RSPH14: variants seen among roughly 807,000 people sequenced by gnomAD.
RSPH14 encodes the protein rhabdoid tumor deletion region gene 1.
RSPH14 carries 20 observed loss-of-function variants against 26.7 expected under a neutral mutation model. The ratio of observed to expected loss-of-function variants is 0.75; its 90% CI spans 0.53 to 1.09. The LOEUF (loss-of-function observed/expected upper bound fraction) is 1.09. Among genes scored for constraint, RSPH14 ranks in the 50% least tolerant of loss-of-function variants. RSPH14 has a pLI of 0.00. For missense variants in RSPH14, 449 were observed against 457.2 expected (o/e 0.98, Z 0.16); for synonymous variants, 177 against 189.3 (o/e 0.93, Z 0.53).
the RSPH14 span, chr22:23,158,093 G>A: frequency 6.2e-7 from 1 of 1,608,324 alleles, no homozygotes; most frequent in Non-Finnish European, 8.5e-7. Flanking sequence ...TCAGGAAGCT[G>A]CCTGGAAGGG....
At chr22:23,172,424 A>G in the RSPH14 span, among the ~76,000 whole-genome samples, 1 of 151,734 alleles carries the variant, frequency 6.6e-6, no homozygotes, top group African/African-American at 2.4e-5. Context: ...TCAAAAAAAA[A>G]AAAAAAAAAG....
intron 4 of RSPH14, among the ~76,000 whole-genome samples, chr22:23,122,178 T>C (rs1174291070): frequency 6.6e-6 from 1 of 152,218 alleles, no homozygotes; most frequent in Non-Finnish European, 1.5e-5. Context: ...AGTTAGAATT[T>C]ATTCATTTTG....
chr22:23,142,402 G>A (rs1443572283), upstream of RSPH14, among the ~76,000 whole-genome samples: 1 of 152,042 alleles, frequency 6.6e-6, no homozygotes, highest in Admixed American at 6.5e-5. Flanking sequence ...TGCAACCTCC[G>A]CTCCACTCCG....
upstream of RSPH14, chr22:23,145,351 C>T (rs781690189): frequency 3.1e-6 from 5 of 1,601,262 alleles, no homozygotes; most frequent in South Asian, 1.1e-5. Context: ...AGACTCCAGG[C>T]AGGTTCTCGT....
intron 4 of RSPH14, among the ~76,000 whole-genome samples, chr22:23,117,456 A>G (rs1458908244): frequency 6.6e-6 from 1 of 151,858 alleles, no homozygotes. Context: ...CAGCATCGAG[A>G]CCTCTCCCAC....
intron 4 of RSPH14, among the ~76,000 whole-genome samples, chr22:23,128,461 C>T (rs550121882): frequency 6.6e-5 from 10 of 152,304 alleles, no homozygotes; most frequent in African/African-American, 2.4e-4. Context: ...CTATTTTCTC[C>T]TCTCCTGACA....
chr22:23,180,288 G>A, the RSPH14 span: 3 of 187,864 alleles, frequency 1.6e-5, no homozygotes, highest in Admixed American at 1.2e-4. Context: ...TCTTTTTTAC[G>A]GGGGACCCCT....
chr22:23,165,393 G>A, the RSPH14 span, among the ~76,000 whole-genome samples: 2 of 152,194 alleles, frequency 1.3e-5, no homozygotes, highest in African/African-American at 4.8e-5. Flanking sequence ...CTGACCCAGA[G>A]ACCCTCACAG....
At chr22:23,091,209 T>C (rs1441743504) in intron 4 of RSPH14, among the ~76,000 whole-genome samples, 1 of 152,194 alleles carries the variant, frequency 6.6e-6, no homozygotes, top group Non-Finnish European at 1.5e-5. Flanking sequence ...GATCTGCGCG[T>C]GCACATGAAC....
At chr22:23,111,027 G>C (rs1171455573) in intron 4 of RSPH14, among the ~76,000 whole-genome samples, 3 of 152,338 alleles carry the variant, frequency 2.0e-5, no homozygotes, top group African/African-American at 7.2e-5. Context: ...CTTCGAATGA[G>C]GGGGTAGGAT....
chr22:23,115,880 G>T (rs1427183686), intron 4 of RSPH14, among the ~76,000 whole-genome samples: 1 of 152,224 alleles, frequency 6.6e-6, no homozygotes, highest in Non-Finnish European at 1.5e-5. Context: ...TGTGCAAGGG[G>T]AGGGTGGTGG....
chr22:23,176,041 G>A, the RSPH14 span, among the ~76,000 whole-genome samples: 10 of 152,316 alleles, frequency 6.6e-5, no homozygotes, highest in East Asian at 3.9e-4. Context: ...CTCCAGCCCC[G>A]TGGCAACAAA....
Position 23,063,979 on chromosome 22 carries a change from C to G in RSPH14, c.576G>C (p.Val192=). 6.2e-7 allele frequency: 1 copy of G among 1,614,200 alleles called. No individual in the cohort carries two copies. ...DATEALGSNV[V]LVLKQKLLSA... ...TGAGGAGCTTCTGCTTCAGGACAAG[C>G]ACCACATTGCTGCCCAGGGCCTCGG... The change falls in exon 5 of 7, where the codon GTG becomes GTC. Residue 192 remains valine, a synonymous_variant. Coordinates refer to ENST00000216036, the MANE Select transcript of RSPH14 (RefSeq NM_014433.3).
the RSPH14 span, chr22:23,160,744 C>A: frequency 1.6e-6 from 2 of 1,240,572 alleles, no homozygotes; most frequent in Non-Finnish European, 2.2e-6. Flanking sequence ...CTCCTGGGGT[C>A]ATTGTTACTG....
chr22:23,110,790 G>A (rs934916409), intron 4 of RSPH14, among the ~76,000 whole-genome samples: 3 of 152,196 alleles, frequency 2.0e-5, no homozygotes, highest in African/African-American at 7.2e-5. Flanking sequence ...CAGCTGGCCT[G>A]GGAGGCAGCT....
chr22:23,131,317 T>G (rs1365607878), intron 4 of RSPH14: 1 of 201,334 alleles, frequency 5.0e-6, no homozygotes, highest in Non-Finnish European at 1.0e-5. Context: ...CCATATGTAA[T>G]TATATCTGTG....
intron 4 of RSPH14, among the ~76,000 whole-genome samples, chr22:23,111,343 G>C (rs1390394901): frequency 1.3e-5 from 2 of 152,232 alleles, no homozygotes; most frequent in African/African-American, 4.8e-5. Flanking sequence ...TCCAAGCCCA[G>C]GCCAGGGGAG....
chr22:23,074,629 G>A (rs1326357165), intron 4 of RSPH14, among the ~76,000 whole-genome samples: 1 of 152,198 alleles, frequency 6.6e-6, no homozygotes, highest in African/African-American at 2.4e-5. Flanking sequence ...GGGTAGGTAG[G>A]ATCAGAAGAG....
rs2068801732 is a variant in RSPH14 at position 23,085,792 on chromosome 22, C to T, written c.422-21659G>A. 2.6e-5 allele frequency among the ~76,000 whole-genome samples: 4 copies of T among 152,260 alleles called. No homozygotes were observed. In the South Asian group the frequency reaches 8.3e-4, roughly 31 times the overall value. The stretch of plus-strand genomic sequence containing the variant: ...CGGGCAGTGGGGACAGAGCAGGGGG[C>T]TGCAACACCATCGAACCCTAGGAGG... On this transcript the variant is annotated intron_variant, in intron 4 of 6. Transcript: ENST00000216036.
Sources: allele counts gnomAD v4.1 joint callset (sites outside exome capture counted in the v4.1 genomes callset), GRCh38; gene constraint gnomAD v4.1.1; transcripts MANE v1.5; gene names NCBI Gene and HGNC (gene_info 2026-07-23, HGNC 2026-07-21).